Variants in NFYC observed in about 807,000 individuals in gnomAD.
NFYC encodes the protein nuclear transcription factor Y subunit gamma.
In NFYC, 25 loss-of-function variants were observed where a neutral mutation model predicts 53.1. The observed-to-expected ratio is 0.47, with a 90% CI of 0.34 to 0.66. NFYC has a LOEUF of 0.66. NFYC is among the 30% of genes least tolerant of loss of function. The pLI is 0.01. For synonymous variants in NFYC, 145 were observed against 152.6 expected, an observed-to-expected ratio of 0.95 and a Z score of 0.37; for missense variants, 260 against 422.7, an observed-to-expected ratio of 0.62 and a Z score of 3.38.
intron 2 of NFYC, among the ~76,000 whole-genome samples, chr1:40,740,223 G>A (rs577379988): frequency 1.3e-5 from 2 of 152,268 alleles, no homozygotes; most frequent in African/African-American, 4.8e-5. Context: ...TGTTGCAATT[G>A]CTTAAGGTTA....
intron 1 of NFYC, among the ~76,000 whole-genome samples, chr1:40,704,678 C>A (rs1252119839): frequency 1.3e-5 from 2 of 152,146 alleles, no homozygotes; most frequent in East Asian, 1.9e-4. Flanking sequence ...ACGCTGAAGA[C>A]CTTCATAGAG....
At chr1:40,705,076 T>C (rs374695922) in intron 1 of NFYC, among the ~76,000 whole-genome samples, 1 of 152,242 alleles carries the variant, frequency 6.6e-6, no homozygotes, top group Admixed American at 6.5e-5. Context: ...TATTACCTTG[T>C]TTAATCCTTA....
chr1:40,749,728 C>G, intron 4 of NFYC, 42 bp downstream of exon 4: 1 of 1,497,444 alleles, frequency 6.7e-7, no homozygotes, highest in African/African-American at 1.4e-5. Flanking sequence ...GGGTAAGCAG[C>G]AGCCTTTGCC....
rs758806688 is a variant in NFYC, at chr1:40,770,743, C to T, written c.923C>T (p.Ala308Val). The change falls in exon 10 of 10, where the codon GCG becomes GTG. Residue 308 changes from alanine (A) to valine (V), a missense_variant. Coordinates refer to ENST00000447388, the MANE Select transcript of NFYC (RefSeq NM_014223.5). The surrounding 1 kb of genome is among the most constrained non-coding windows in gnomAD (Gnocchi z 5.3). The part of the protein sequence containing the change: ...LYQIQQVTMP[A>V]GQDLAQPMFI... Reference sequence around the variant, plus strand: ...CAGATCCAGCAAGTCACCATGCCTGCGGGCCAGGACCTCGCCCAGCCCATG... The same window carrying T: ...CAGATCCAGCAAGTCACCATGCCTGTGGGCCAGGACCTCGCCCAGCCCATG... 5.6e-6 allele frequency: 9 copies of T among 1,613,980 alleles called. No individual in the cohort carries two copies. Among genetic ancestry groups the T allele is most frequent in the Non-Finnish European group, 7.6e-6 (9 of 1,180,026 alleles).
intron 9 of NFYC, 113 bp downstream of exon 9, chr1:40,769,528 G>A (rs1646980868): frequency 2.3e-6 from 2 of 855,588 alleles, no homozygotes; most frequent in Non-Finnish European, 4.0e-6. Flanking sequence ...CTAACAGTGA[G>A]TGGACAGAAA....
intron 1 of NFYC, chr1:40,712,687 A>T (rs1643976055): frequency 1.1e-5 from 1 of 93,164 alleles, no homozygotes; most frequent in African/African-American, 4.3e-5. Flanking sequence ...TTTTTTGCAG[A>T]CGAGGTCTCG....
intron 1 of NFYC, chr1:40,692,072 G>C (rs1315927502): frequency 1.5e-5 from 3 of 201,190 alleles, no homozygotes; most frequent in South Asian, 9.5e-5. Flanking sequence ...CGTGTGCCTC[G>C]TCGGCCCGGC....
At chr1:40,754,104 T>G (rs903829734) in intron 5 of NFYC, among the ~76,000 whole-genome samples, 2 of 152,180 alleles carry the variant, frequency 1.3e-5, no homozygotes, top group East Asian at 3.9e-4. Context: ...TTGTTCTGCT[T>G]GCTTTGTTAT....
intron 1 of NFYC, among the ~76,000 whole-genome samples, chr1:40,702,795 G>T (rs928858272): frequency 6.6e-6 from 1 of 152,022 alleles, no homozygotes; most frequent in African/African-American, 2.4e-5. Flanking sequence ...TTATAATCTG[G>T]CAGTCCTCAA....
intron 2 of NFYC, 109 bp from the exon 3 acceptor site, chr1:40,747,425 A>T: frequency 1.4e-6 from 1 of 698,432 alleles, no homozygotes. Context: ...CTCCCGACAT[A>T]CGCTTCCTGA....
intron 2 of NFYC, among the ~76,000 whole-genome samples, chr1:40,747,325 G>T (rs1357308218): frequency 6.6e-6 from 1 of 150,536 alleles, no homozygotes; most frequent in Non-Finnish European, 1.5e-5. Context: ...TTTTTCTAAA[G>T]CCCATTAATT....
At chr1:40,718,563 G>T (rs1049711991) in intron 1 of NFYC, among the ~76,000 whole-genome samples, 4 of 152,212 alleles carry the variant, frequency 2.6e-5, no homozygotes, top group African/African-American at 9.6e-5. Flanking sequence ...TAAAGTGTTT[G>T]TTAAAATAGG....
At chr1:40,698,418 A>G (rs572990344) in intron 1 of NFYC, among the ~76,000 whole-genome samples, 65 of 152,026 alleles carry the variant, frequency 4.3e-4, no homozygotes, top group African/African-American at 1.5e-3. Context: ...TCCTATTTAA[A>G]TGAATGCCAT....
intron 3 of NFYC, among the ~76,000 whole-genome samples, chr1:40,748,201 G>A (rs754833843): frequency 5.3e-5 from 8 of 151,910 alleles, no homozygotes; most frequent in Admixed American, 2.0e-4. Flanking sequence ...GCATAATCAC[G>A]GCTCACTGTA....
chr1:40,754,401 T>G (rs763362214), intron 5 of NFYC: 1 of 534,308 alleles, frequency 1.9e-6, no homozygotes, highest in Non-Finnish European at 3.8e-6. Context: ...AGCTGTAAGG[T>G]GTTCAGAGGA....
chr1:40,759,570 T>TGC, intron 6 of NFYC, among the ~76,000 whole-genome samples: 1 of 150,452 alleles, frequency 6.6e-6, no homozygotes, highest in Non-Finnish European at 1.5e-5. Context: ...TGTGTGTGTG[T>TGC]GTGTGTATGT....
At chr1:40,736,249 A>G (rs1279849957) in intron 1 of NFYC, among the ~76,000 whole-genome samples, 1 of 152,018 alleles carries the variant, frequency 6.6e-6, no homozygotes, top group Admixed American at 6.6e-5. Context: ...TTTTCCTTCC[A>G]TTTCTTTCCC....
Position 40,771,038 on chromosome 1 carries a change from C to G in NFYC, c.*210C>G. On this transcript the variant is annotated 3_prime_UTR_variant, in exon 10 of 10. Coordinates refer to ENST00000447388, the MANE Select transcript of NFYC (RefSeq NM_014223.5). ...TTGTTTCCTTTTTTTCCATTTTTTT[C>G]TCTAAGGAATCAATATTTCAATATG... 1.7e-6 allele frequency: 1 copy of G among 593,538 alleles called. No homozygotes were observed. The highest frequency in any genetic ancestry group is 3.0e-6 in the Non-Finnish European group (1 of 335,600). 36.8% of individuals were successfully genotyped at this position (593,538 alleles called of 1,614,324 possible).
At position 40,691,727 on chromosome 1, in the gene NFYC, G is replaced by A. The variant is rs1456740570; in HGVS notation, c.-149G>A. 1.3e-5 allele frequency: 6 copies of A among 455,240 alleles called. No homozygotes were observed. Among genetic ancestry groups the A allele is most frequent in the African/African-American group, 1.0e-4 (5 of 49,890 alleles). The allele number at this position is 455,240 out of a possible 1,614,324, so 28.2% of individuals were successfully genotyped here. A position where few individuals can be genotyped will look rare whatever the true frequency, so the allele number is the denominator to read the frequency against. On this transcript the variant is annotated 5_prime_UTR_variant, in exon 1 of 10. Transcript: ENST00000447388. ...GTGCAAACGGCGTGGCCGCCATCTT[G>A]CTTGTGCCCCCGCTTCGCGCGCGCT...
Sources: allele counts gnomAD v4.1 joint callset (sites outside exome capture counted in the v4.1 genomes callset), GRCh38; gene constraint gnomAD v4.1.1; non-coding constraint Gnocchi (gnomAD v3.1); transcripts MANE v1.5; gene names NCBI Gene and HGNC (gene_info 2026-07-23, HGNC 2026-07-21).